Variants in SRRM2 observed in about 807,000 individuals in gnomAD.
The protein encoded by SRRM2 is serine/arginine repetitive matrix 2.
In SRRM2, 30 loss-of-function variants were observed where a neutral mutation model predicts 213.8. The ratio of observed to expected loss-of-function variants is 0.14; its 90% CI spans 0.10 to 0.19. SRRM2 has a LOEUF of 0.19. Ranked by LOEUF, SRRM2 falls within the 10% of genes least tolerant of loss-of-function variation. The pLI, the probability that SRRM2 is intolerant of heterozygous loss-of-function variation, is 1.00. For synonymous variants in SRRM2, 2,025 were observed against 1,377.7 expected (o/e 1.47, Z -10.40); for missense variants, 4,904 against 3,647.0 (o/e 1.34, Z -8.88).
chr16:2,754,328 C>T (rs2068064279), intron 1 of SRRM2, among the ~76,000 whole-genome samples: 1 of 150,794 alleles, frequency 6.6e-6, no homozygotes, highest in Non-Finnish European at 1.5e-5. Context: ...GAGTCTAGCT[C>T]TGTTGGCAGG....
At chr16:2,770,132 CTG>C (rs1480182992) in intron 12 of SRRM2, 2 of 1,423,212 alleles carry the variant, frequency 1.4e-6, no homozygotes, top group Non-Finnish European at 1.8e-6. Flanking sequence ...AGGGCAGGGA[CTG>C]TCTTTATCTT....
chr16:2,757,974 C>G (rs1162449051), intron 4 of SRRM2, 29 bp downstream of exon 4: 1 of 1,589,382 alleles, frequency 6.3e-7, no homozygotes, highest in Non-Finnish European at 8.6e-7. Flanking sequence ...CCACTGTCAG[C>G]TTCTTTTCTT....
chr16:2,762,636 G>T lies in SRRM2; in HGVS notation c.2108G>T (p.Arg703Leu), dbSNP rs748430482. Residue 703 changes from arginine to leucine, a missense_variant, in exon 11 of 15, where the codon CGC becomes CTC. Coordinates refer to ENST00000301740, the MANE Select transcript of SRRM2 (RefSeq NM_016333.4). ...RSRTPRRGRS[R>L]SRSLVRRGRS... is the part of the protein sequence containing the mutation. Reference sequence around the variant, plus strand: ...AGGACACCAAGACGAGGAAGATCCCGCAGTAGAAGCTTAGTTAGACGTGGA... The same window carrying T: ...AGGACACCAAGACGAGGAAGATCCCTCAGTAGAAGCTTAGTTAGACGTGGA... The T allele has an allele frequency of 1.9e-6, 3 of 1,614,040 alleles. No individual in the cohort carries two copies. The highest frequency in any genetic ancestry group is 1.3e-5 in the African/African-American group (1 of 74,906).
chr16:2,759,533 G>A (rs1185436304), intron 8 of SRRM2, 36 bp from the exon 9 acceptor site: 1 of 1,610,562 alleles, frequency 6.2e-7, no homozygotes, highest in Non-Finnish European at 8.5e-7. Context: ...GGCAGGTACA[G>A]CAGTACCCTG....
rs570418787 is a variant in SRRM2 at position 2,763,540 on chromosome 16, A to C, written c.3012A>C (p.Pro1004=). 21 of 1,614,116 alleles carry C rather than the reference A, an allele frequency of 1.3e-5. No individual in the cohort carries two copies. The highest frequency in any genetic ancestry group is 1.7e-5 in the Non-Finnish European group (20 of 1,180,008). The change falls in exon 11 of 15, where the codon CCA becomes CCC. Residue 1004 remains proline, a synonymous_variant. Coordinates refer to ENST00000301740, the MANE Select transcript of SRRM2 (RefSeq NM_016333.4). ...ACCCCAAAGTAAAGGCCCAAACTCC[A>C]CCGGGGCCAAGTCTTTCTGGATCAA... The part of the protein sequence containing the change: ...SPYPKVKAQT[P]PGPSLSGSKS...
At position 2,769,146 on chromosome 16, in the gene SRRM2, C is replaced by A; in HGVS notation, c.7883C>A (p.Ser2628Tyr). The change falls in exon 12 of 15, where the codon TCC (serine) becomes TAC (tyrosine). Residue 2628 changes from serine to tyrosine, a missense_variant. Ser to Tyr is a moderately radical substitution (Grantham distance 144). Coordinates refer to ENST00000301740, the MANE Select transcript of SRRM2 (RefSeq NM_016333.4). The stretch of plus-strand genomic sequence containing the variant: ...TCCTCCTCCTCCTCCTCCTCTTCTT[C>A]CTCCTCCTCTTCCTCTTCTTCTTCT... ...SSSSSSSSSS[S>Y]SSSSSSSSSS... The A allele has an allele frequency of 6.2e-7, 1 of 1,612,378 alleles. No homozygotes were observed. Among genetic ancestry groups the A allele is most frequent in the East Asian group, 2.2e-5 (1 of 44,866 alleles).
rs759697532 is a variant in SRRM2, at chr16:2,769,180, A to C, written c.7917A>C (p.Ser2639=). 173 of 1,605,286 alleles carry C rather than the reference A, an allele frequency of 1.1e-4. No individual in the cohort carries two copies. The highest frequency in any genetic ancestry group is 1.6e-4 in the Middle Eastern group (1 of 6,062). The change falls in exon 12 of 15, where the codon TCA becomes TCC. Residue 2639 remains serine, a synonymous_variant. Coordinates refer to ENST00000301740, the MANE Select transcript of SRRM2 (RefSeq NM_016333.4). ...SSSSSSSSSS[S]SSSSSSSSSP... ...CTTCCTCTTCTTCTTCTTCCTCCTC[A>C]TCTTCCTCCTCCTCGTCGTCTTCCT...
In SRRM2 at chr16:2,758,843, A is replaced by G. The variant is rs562041792; in HGVS notation, c.594-142A>G. On this transcript the variant is annotated intron_variant, in intron 5 of 14. Coordinates refer to ENST00000301740, the MANE Select transcript of SRRM2 (RefSeq NM_016333.4). ...CTTGTGCTTGTTGGAGAAAGAAGAAATAAGTCCTGGGCTTAGGTCTGGGGC... is the reference window on the plus strand; with the variant it reads ...CTTGTGCTTGTTGGAGAAAGAAGAAGTAAGTCCTGGGCTTAGGTCTGGGGC... 2.9e-5 allele frequency: 25 copies of G among 869,172 alleles called. No homozygotes were observed. In the South Asian group the frequency reaches 4.0e-4, roughly 14 times the overall value. 53.8% of individuals were successfully genotyped at this position (869,172 alleles called of 1,614,324 possible). A position where few individuals can be genotyped will look rare whatever the true frequency, so the allele number is the denominator to read the frequency against.
chr16:2,762,422 C>G lies in SRRM2; in HGVS notation c.1894C>G (p.Arg632Gly). ...RRRSRTRSPV[R>G]RRSRSRSPAR... is the part of the protein sequence containing the mutation. ...CAGATCTAGGACCCGATCACCAGTACGACGCAGGTCTCGTAGTAGATCACC... is the reference window on the plus strand; with the variant it reads ...CAGATCTAGGACCCGATCACCAGTAGGACGCAGGTCTCGTAGTAGATCACC... Residue 632 changes from arginine to glycine, a missense_variant, in exon 11 of 15, where the codon CGA (arginine) becomes GGA (glycine). Arg to Gly is a moderately radical substitution (Grantham distance 125, BLOSUM62 -2). Transcript: ENST00000301740. 3.1e-6 allele frequency: 5 copies of G among 1,613,936 alleles called. No individual in the cohort carries two copies. The highest frequency in any genetic ancestry group is 4.2e-6 in the Non-Finnish European group (5 of 1,179,988).
At chr16:2,758,430 G>C (rs1326970582) in intron 4 of SRRM2, 40 bp from the exon 5 acceptor site, 3 of 1,504,016 alleles carry the variant, frequency 2.0e-6, no homozygotes, top group Non-Finnish European at 2.8e-6. Context: ...AGGAATGTTT[G>C]TTCTACCACC....
chr16:2,762,994 A>C lies in SRRM2; in HGVS notation c.2466A>C (p.Pro822=). 1 of 1,614,044 alleles carries C rather than the reference A, an allele frequency of 6.2e-7. No individual in the cohort carries two copies. Among genetic ancestry groups the C allele is most frequent in the Non-Finnish European group, 8.5e-7 (1 of 1,179,990 alleles). Residue 822 remains proline (P), a synonymous_variant, in exon 11 of 15, where the codon CCA becomes CCC. Transcript: ENST00000301740. The part of the protein sequence containing the change: ...PRRSRSSSSP[P]PKQKSKTPSR... Reference sequence around the variant, plus strand: ...GCAGTCGCTCCAGTTCTTCTCCGCCACCTAAACAGAAATCTAAGACACCAT... The same window carrying C: ...GCAGTCGCTCCAGTTCTTCTCCGCCCCCTAAACAGAAATCTAAGACACCAT...
Position 2,763,711 on chromosome 16 carries a change from T to G in SRRM2, c.3183T>G (p.Ser1061=). ...CATCTCTGCAACTGAAAGGACAATC[T>G]CAAACTTCACCAGACCACAGATCTG... The part of the protein sequence containing the change: ...GVSSLQLKGQ[S]QTSPDHRSDT... The change falls in exon 11 of 15, where the codon TCT becomes TCG. Residue 1061 remains serine (S), a synonymous_variant. Coordinates refer to ENST00000301740, the MANE Select transcript of SRRM2 (RefSeq NM_016333.4). The G allele has an allele frequency of 6.2e-7, 1 of 1,614,146 alleles. No individual in the cohort carries two copies. Among genetic ancestry groups the G allele is most frequent in the Non-Finnish European group, 8.5e-7 (1 of 1,180,026 alleles).
rs1336481908 is a variant in SRRM2, at chr16:2,766,806, C to T, written c.6278C>T (p.Pro2093Leu). ...SSSDRSRSATPPATRNHSGSR... is the reference protein window; with the variant it reads ...SSSDRSRSATLPATRNHSGSR... ...TCTGATCGTTCACGATCTGCTACTC[C>T]TCCAGCAACAAGAAATCATTCTGGT... The change falls in exon 11 of 15, where the codon CCT (proline) becomes CTT (leucine). Residue 2093 changes from proline (P) to leucine (L), a missense_variant. Physicochemically the swap from Pro to Leu is moderately conservative, Grantham distance 98. Transcript: ENST00000301740. The surrounding 1 kb of genome is among the most constrained non-coding windows in gnomAD (Gnocchi z 7.0). 8.7e-6 allele frequency: 14 copies of T among 1,614,174 alleles called. No homozygotes were observed. Among genetic ancestry groups the T allele is most frequent in the East Asian group, 2.2e-5 (1 of 44,886 alleles).
rs2150776386 is a variant in SRRM2 at position 2,763,318 on chromosome 16, T to C, written c.2790T>C (p.His930=). 6.2e-7 allele frequency: 1 copy of C among 1,614,150 alleles called. No individual in the cohort carries two copies. The highest frequency in any genetic ancestry group is 2.2e-5 in the East Asian group (1 of 44,888). Residue 930 remains histidine (H), a synonymous_variant, in exon 11 of 15, where the codon CAT becomes CAC. Transcript: ENST00000301740. ...TAATATCACCAAGACAAAGAAGCCA[T>C]TCTGGCTCCTCTTCTCCAAGTCCTA... ...KAIISPRQRS[H]SGSSSPSPSR...
At position 2,757,710 on chromosome 16, in the gene SRRM2, C is replaced by T. The variant is rs574705126; in HGVS notation, c.351-71C>T. 59 of 1,589,690 alleles carry T rather than the reference C, an allele frequency of 3.7e-5. No homozygotes were observed. The African/African-American group carries it at 7.4e-4, about 20-fold the overall frequency. On this transcript the variant is annotated intron_variant, in intron 3 of 14. Coordinates refer to ENST00000301740, the MANE Select transcript of SRRM2 (RefSeq NM_016333.4). ...TTTCCCATGCCTTATTTGGCTCCTG[C>T]TTATACTTGTGTTCTGAATATGGCT...
Position 2,764,914 on chromosome 16 carries a change from C to T in SRRM2, c.4386C>T (p.Ser1462=), listed in dbSNP as rs1164375868. The change falls in exon 11 of 15, where the codon TCC becomes TCT. Residue 1462 remains serine, a synonymous_variant. Coordinates refer to ENST00000301740, the MANE Select transcript of SRRM2 (RefSeq NM_016333.4). ...GTPSRHSLSG[S]SPGMKDIPRT... is the part of the protein sequence containing the mutation. ...CCTCGAGGCACAGCCTGTCTGGGTC[C>T]TCTCCTGGAATGAAAGATATACCTA... 6.2e-7 allele frequency: 1 copy of T among 1,614,154 alleles called. No homozygotes were observed. The highest frequency in any genetic ancestry group is 8.5e-7 in the Non-Finnish European group (1 of 1,180,040).
At chr16:2,759,282 TC>T (rs2068255986) in intron 7 of SRRM2, 69 bp from the exon 8 acceptor site, 1 of 1,607,224 alleles carries the variant, frequency 6.2e-7, no homozygotes, top group Non-Finnish European at 8.5e-7. Flanking sequence ...ACTCCCTCTT[TC>T]CATTTCACTT....
At chr16:2,768,793 G>A (rs1465594867) in intron 11 of SRRM2, 1 of 957,148 alleles carries the variant, frequency 1.0e-6, no homozygotes, top group South Asian at 1.4e-5. Flanking sequence ...CTTATGCTGC[G>A]GGCCCCAGCC....
Position 2,766,948 on chromosome 16 carries a change from C to T in SRRM2, c.6420C>T (p.Gly2140=), listed in dbSNP as rs138669456. The T allele has an allele frequency of 7.3e-5, 118 of 1,614,012 alleles. No individual in the cohort carries two copies. The highest frequency in any genetic ancestry group is 9.2e-5 in the Non-Finnish European group (108 of 1,180,036). ...CACCTGGAATGCTTGAACCCCTTGG[C>T]AGCTCTAGAACACCCATGTCTGTCC... The part of the protein sequence containing the change: ...CRSPGMLEPL[G]SSRTPMSVLQ... Residue 2140 remains glycine (G), a synonymous_variant, in exon 11 of 15, where the codon GGC becomes GGT. Transcript: ENST00000301740. This position sits in a 1 kb window ranked among gnomAD's most constrained non-coding sequence, Gnocchi z 7.0.
Sources: allele counts gnomAD v4.1 joint callset (sites outside exome capture counted in the v4.1 genomes callset), GRCh38; gene constraint gnomAD v4.1.1; non-coding constraint Gnocchi (gnomAD v3.1); transcripts MANE v1.5; gene names NCBI Gene and HGNC (gene_info 2026-07-23, HGNC 2026-07-21).